The following NEK7 variants were observed in gnomAD, a reference collection of about 807,000 sequenced individuals.
NEK7 encodes the protein serine/threonine-protein kinase Nek7.
In NEK7, 18 loss-of-function variants were observed where a neutral mutation model predicts 44.6. The ratio of observed to expected loss-of-function variants is 0.40; its 90% CI spans 0.28 to 0.60. The LOEUF is 0.60. Ranked by LOEUF, NEK7 falls within the 20% of genes least tolerant of loss-of-function variation. The probability of loss-of-function intolerance (pLI) is 0.38; values close to 1 mark genes in which losing one functional copy is unlikely to be tolerated. For missense variants in NEK7, 256 were observed against 366.5 expected, an observed-to-expected ratio of 0.70 and a Z score of 2.46; for synonymous variants, 130 against 121.1, an observed-to-expected ratio of 1.07 and a Z score of -0.48.
At chr1:198,159,051 G>T (rs3748739) in intron 1 of NEK7, among the ~76,000 whole-genome samples, 1 of 152,068 alleles carries the variant, frequency 6.6e-6, no homozygotes, top group Non-Finnish European at 1.5e-5. Context: ...TAGTGTTAAG[G>T]GGGAGGAAGG....
At chr1:198,271,366 C>T (rs1653838728) in intron 5 of NEK7, among the ~76,000 whole-genome samples, 1 of 151,930 alleles carries the variant, frequency 6.6e-6, no homozygotes, top group Non-Finnish European at 1.5e-5. Context: ...GAGTGAGGTA[C>T]ATCTTAGAAT....
chr1:198,219,165 C>G (rs1666012560), intron 1 of NEK7, among the ~76,000 whole-genome samples: 1 of 151,302 alleles, frequency 6.6e-6, no homozygotes, highest in Admixed American at 6.6e-5. Context: ...ACCTAAGTAC[C>G]CCTCAACTGA....
At chr1:198,279,465 G>A (rs1275063434) in intron 7 of NEK7, among the ~76,000 whole-genome samples, 2 of 151,924 alleles carry the variant, frequency 1.3e-5, no homozygotes, top group African/African-American at 2.4e-5. Flanking sequence ...ATGGCTGTGA[G>A]TGTTATTGTT....
chr1:198,317,877 A>ATTTTTGTTTTTTTTTTTTTTT lies in NEK7; in HGVS notation c.799-1530_799-1529insGTTTTTTTTTTTTTTTTTTTT, dbSNP rs537862004. On this transcript the variant is annotated intron_variant, in intron 9 of 9. Coordinates refer to ENST00000367385, the MANE Select transcript of NEK7 (RefSeq NM_133494.3). ...GCATTGTGTATTACTGGATATATTT[A>ATTTTTGTTTTTTTTTTTTTTT]TTTTTTTTTTTTTTTTTTTTTTTGG... Among the ~76,000 whole-genome samples the ATTTTTGTTTTTTTTTTTTTTT allele has an allele frequency of 3.0e-4, 21 of 70,248 alleles. 2 individuals carry two copies. Among genetic ancestry groups the ATTTTTGTTTTTTTTTTTTTTT allele is most frequent in the East Asian group, 1.0e-3 (2 of 2,008 alleles). The allele number at this position is 70,248 out of a possible 152,430, so 46.1% of individuals were successfully genotyped here. A position where few individuals can be genotyped will look rare whatever the true frequency, so the allele number is the denominator to read the frequency against.
chr1:198,229,554 A>G (rs1044518271), intron 1 of NEK7, among the ~76,000 whole-genome samples: 4 of 152,118 alleles, frequency 2.6e-5, no homozygotes, highest in Non-Finnish European at 4.4e-5. Flanking sequence ...TGCTATCTCC[A>G]GGAAGATAGT....
chr1:198,252,751 A>G (rs1050903051), intron 2 of NEK7, among the ~76,000 whole-genome samples: 1 of 151,060 alleles, frequency 6.6e-6, no homozygotes, highest in African/African-American at 2.4e-5. Context: ...TTATATATTT[A>G]TTAAAACACA....
intron 2 of NEK7, among the ~76,000 whole-genome samples, chr1:198,238,432 C>A (rs1022743362): frequency 3.9e-5 from 6 of 152,082 alleles, no homozygotes; most frequent in Admixed American, 3.9e-4. Context: ...TTGCAGTCAT[C>A]TTCTGACCTC....
At chr1:198,163,614 T>C (rs1664174444) in intron 1 of NEK7, among the ~76,000 whole-genome samples, 1 of 152,166 alleles carries the variant, frequency 6.6e-6, no homozygotes, top group South Asian at 2.1e-4. Context: ...TTTCTAGGTG[T>C]GGTTTGTTAG....
chr1:198,212,642 A>G (rs541002692), intron 1 of NEK7, among the ~76,000 whole-genome samples: 23 of 152,258 alleles, frequency 1.5e-4, no homozygotes, highest in African/African-American at 2.9e-4. Context: ...TTGCTCCTCT[A>G]TCTGCCCTTG....
Position 198,319,511 on chromosome 1 carries a change from G to A in NEK7, c.898G>A (p.Ala300Thr), listed in dbSNP as rs866375032. 2 of 1,609,490 alleles carry A rather than the reference G, an allele frequency of 1.2e-6. No homozygotes were observed. The highest frequency in any genetic ancestry group is 1.7e-6 in the Non-Finnish European group (2 of 1,177,730). Residue 300 changes from alanine (A) to threonine (T), a missense_variant, in exon 10 of 10, where the codon GCA (alanine) becomes ACA (threonine). Ala to Thr is a moderately conservative substitution (Grantham distance 58). Coordinates refer to ENST00000367385, the MANE Select transcript of NEK7 (RefSeq NM_133494.3). ...DVAKRMHACT[A>T]SS ...AGCAAAGAGGATGCATGCATGCACT[G>A]CAAGCAGCTAAACATGCAAGATCAT...
chr1:198,236,484 G>A (rs1036628618), intron 2 of NEK7, among the ~76,000 whole-genome samples: 4 of 152,078 alleles, frequency 2.6e-5, no homozygotes, highest in Non-Finnish European at 4.4e-5. Flanking sequence ...CATCCTTAGC[G>A]CATCCACTCC....
At chr1:198,286,976 T>C (rs1392209592) in intron 7 of NEK7, among the ~76,000 whole-genome samples, 1 of 152,184 alleles carries the variant, frequency 6.6e-6, no homozygotes, top group Admixed American at 6.5e-5. Flanking sequence ...CTTCCTATTA[T>C]GAAGTCCTCA....
At chr1:198,186,096 A>AT (rs1664916710) in intron 1 of NEK7, among the ~76,000 whole-genome samples, 1 of 152,206 alleles carries the variant, frequency 6.6e-6, no homozygotes, top group East Asian at 1.9e-4. Context: ...TCTAATGGTC[A>AT]TGTTACTTAA....
At chr1:198,243,744 A>G in intron 2 of NEK7, among the ~76,000 whole-genome samples, 1 of 152,198 alleles carries the variant, frequency 6.6e-6, no homozygotes, top group East Asian at 1.9e-4. Flanking sequence ...TTAATGGCAT[A>G]TTGTCTAAAC....
At chr1:198,251,933 C>T (rs1290974423) in intron 2 of NEK7, among the ~76,000 whole-genome samples, 1 of 151,994 alleles carries the variant, frequency 6.6e-6, no homozygotes, top group South Asian at 2.1e-4. Flanking sequence ...AATGTGTTTG[C>T]TTTTGCTTTT....
At chr1:198,171,877 C>T (rs938278577) in intron 1 of NEK7, among the ~76,000 whole-genome samples, 2 of 152,142 alleles carry the variant, frequency 1.3e-5, no homozygotes, top group Non-Finnish European at 2.9e-5. Context: ...CTCTACAAGG[C>T]CTGCCTGACC....
intron 1 of NEK7, among the ~76,000 whole-genome samples, chr1:198,218,415 T>G (rs1665988022): frequency 6.6e-6 from 1 of 151,836 alleles, no homozygotes; most frequent in African/African-American, 2.4e-5. Flanking sequence ...ATTACAAAAG[T>G]TAACTCAAAA....
At chr1:198,178,998 C>CT (rs1664683335) in intron 1 of NEK7, among the ~76,000 whole-genome samples, 1 of 150,868 alleles carries the variant, frequency 6.6e-6, no homozygotes, top group African/African-American at 2.4e-5. Flanking sequence ...ATACCCCCCC[C>CT]CTTTTTTTTT....
chr1:198,313,364 G>C (rs1175206648), intron 9 of NEK7, among the ~76,000 whole-genome samples: 1 of 150,570 alleles, frequency 6.6e-6, no homozygotes. Flanking sequence ...CCTGAATACA[G>C]CACACTGATG....
Sources: gnomAD v4.1 joint callset for allele counts (sites outside exome capture counted in the v4.1 genomes callset) on GRCh38, gnomAD v4.1.1 for gene constraint, MANE v1.5 for transcripts, NCBI Gene and HGNC (gene_info 2026-07-23, HGNC 2026-07-21) for gene names.